AGBL1: variants seen among roughly 807,000 people sequenced by gnomAD.
AGBL1 encodes AGBL carboxypeptidase 1.
In AGBL1, 130 loss-of-function variants were observed where a neutral mutation model predicts 118.9. That is an observed-to-expected ratio of 1.09 (90% CI 0.95 to 1.26). The LOEUF is 1.26. Ranked by LOEUF, AGBL1 falls within the 50% of genes most tolerant of loss-of-function variation. The pLI, the probability that AGBL1 is intolerant of heterozygous loss-of-function variation, is 0.00. For missense variants in AGBL1, 1,584 were observed against 1,298.1 expected (o/e 1.22, Z -3.38); for synonymous variants, 555 against 478.9 (o/e 1.16, Z -2.08).
At chr15:86,147,163 G>T (rs900401078) in intron 3 of AGBL1, among the ~76,000 whole-genome samples, 1 of 152,200 alleles carries the variant, frequency 6.6e-6, no homozygotes, top group South Asian at 2.1e-4. Flanking sequence ...GGCCCAATAG[G>T]AACAGCTCCG....
chr15:86,233,707 G>T (rs10520616), intron 6 of AGBL1, among the ~76,000 whole-genome samples: 35,983 of 152,202 alleles, frequency 0.24, 4,955 homozygotes, highest in Middle Eastern at 0.33. Flanking sequence ...GCAGTGGCAA[G>T]AAGGAAGAAC....
At chr15:86,965,915 A>G (rs2081047279) in intron 23 of AGBL1, among the ~76,000 whole-genome samples, 1 of 152,070 alleles carries the variant, frequency 6.6e-6, no homozygotes, top group South Asian at 2.1e-4. Flanking sequence ...TGACGGGTTG[A>G]TGGTTGCAGC....
chr15:86,527,727 A>G (rs1243702550), intron 19 of AGBL1, among the ~76,000 whole-genome samples: 2 of 152,226 alleles, frequency 1.3e-5, no homozygotes, highest in African/African-American at 4.8e-5. Context: ...GATACTATTC[A>G]GCCATTTGCT....
intron 22 of AGBL1, among the ~76,000 whole-genome samples, chr15:86,705,126 C>T (rs529927299): frequency 6.6e-6 from 1 of 151,968 alleles, no homozygotes; most frequent in Non-Finnish European, 1.5e-5. Flanking sequence ...CACACTGGGC[C>T]CTGTCAGTGG....
In AGBL1 at chr15:86,961,249, A is replaced by C. The variant is rs141497164; in HGVS notation, c.3222-26738A>C. 2.9e-3 allele frequency among the ~76,000 whole-genome samples: 434 copies of C among 152,174 alleles called. 1 individual carries two copies. Among genetic ancestry groups the C allele is most frequent in the African/African-American group, 9.9e-3 (413 of 41,554 alleles). Reference sequence around the variant, plus strand: ...GTCACTAATACTAAATAAAGCTCAAAAAAGGGAGTCATTGCTGCAACCTCT... The same window carrying C: ...GTCACTAATACTAAATAAAGCTCAACAAAGGGAGTCATTGCTGCAACCTCT... On this transcript the variant is annotated intron_variant, in intron 23 of 24. Coordinates refer to the AGBL1 transcript ENST00000441037.
chr15:86,720,605 C>G (rs1248831284), intron 22 of AGBL1, among the ~76,000 whole-genome samples: 2 of 152,172 alleles, frequency 1.3e-5, no homozygotes, highest in Non-Finnish European at 2.9e-5. Flanking sequence ...CTATAGTGGG[C>G]AACAGTTACC....
intron 22 of AGBL1, among the ~76,000 whole-genome samples, chr15:86,765,632 A>G (rs2078087063): frequency 6.6e-6 from 1 of 151,982 alleles, no homozygotes; most frequent in African/African-American, 2.4e-5. Context: ...AAAAATTCCA[A>G]GTACAGGCGA....
intron 1 of AGBL1, among the ~76,000 whole-genome samples, chr15:86,129,256 C>T (rs116275108): frequency 0.011 from 1,737 of 152,218 alleles, 37 homozygotes; most frequent in African/African-American, 0.04. Flanking sequence ...AATTTAACTA[C>T]GTTGTCACTT....
At chr15:86,980,752 C>T (rs1425524311) in intron 23 of AGBL1, among the ~76,000 whole-genome samples, 1 of 152,024 alleles carries the variant, frequency 6.6e-6, no homozygotes, top group Admixed American at 6.5e-5. Context: ...ATTCGTTTCT[C>T]TTGCTATTAT....
At chr15:86,612,884 C>G (rs1043587191) in intron 21 of AGBL1, among the ~76,000 whole-genome samples, 1 of 152,210 alleles carries the variant, frequency 6.6e-6, no homozygotes, top group Non-Finnish European at 1.5e-5. Context: ...CTGACCTTAA[C>G]TCAAGCTGAT....
At chr15:86,510,978 G>A (rs79147746) in intron 18 of AGBL1, among the ~76,000 whole-genome samples, 1,538 of 152,100 alleles carry the variant, frequency 0.01, 24 homozygotes, top group African/African-American at 0.035. Context: ...GCTGGCACTT[G>A]ATAATAATCC....
chr15:86,283,221 C>T lies in AGBL1; in HGVS notation c.2220+3438C>T, dbSNP rs1429586244. Among the ~76,000 whole-genome samples the T allele has an allele frequency of 5.3e-5, 8 of 152,158 alleles. No homozygotes were observed. The East Asian group carries it at 1.5e-3, about 29-fold the overall frequency. ...AGTATTAGAATTATGTTATAAATAGCCCCTAGGTAGCCAGTAGTATTGGTT... is the reference window on the plus strand; with the variant it reads ...AGTATTAGAATTATGTTATAAATAGTCCCTAGGTAGCCAGTAGTATTGGTT... On this transcript the variant is annotated intron_variant, in intron 16 of 22. Transcript: ENST00000614907.
intron 1 of AGBL1, among the ~76,000 whole-genome samples, chr15:86,108,565 G>A (rs1897182889): frequency 6.6e-6 from 1 of 152,056 alleles, no homozygotes; most frequent in Non-Finnish European, 1.5e-5. Flanking sequence ...AATTTCAAGT[G>A]GATACGTTTA....
intron 1 of AGBL1, among the ~76,000 whole-genome samples, chr15:86,128,707 C>G (rs1441999798): frequency 1.3e-5 from 2 of 152,134 alleles, no homozygotes; most frequent in African/African-American, 4.8e-5. Flanking sequence ...CTTTCTTTAT[C>G]TCTTTTTCTT....
chr15:86,900,808 C>A (rs28532855), intron 22 of AGBL1, among the ~76,000 whole-genome samples: 11,793 of 152,100 alleles, frequency 0.078, 564 homozygotes, highest in African/African-American at 0.13. Flanking sequence ...TTTGATACTT[C>A]TTGCAGATTA....
intron 23 of AGBL1, among the ~76,000 whole-genome samples, chr15:86,925,143 AGAGGAGGAG>A (rs1176964792): frequency 2.5e-5 from 2 of 80,532 alleles, no homozygotes; most frequent in Admixed American, 2.9e-4. Context: ...AGGAAGAGGA[AGAGGAGGAG>A]GAGGAGGAGG....
chr15:86,265,171 T>C (rs1180880990), intron 11 of AGBL1, among the ~76,000 whole-genome samples: 1 of 152,222 alleles, frequency 6.6e-6, no homozygotes, highest in Non-Finnish European at 1.5e-5. Context: ...TCCTCAAAAG[T>C]AGGTTTTCAG....
chr15:86,696,286 G>A (rs938878883), intron 22 of AGBL1, among the ~76,000 whole-genome samples: 1 of 151,806 alleles, frequency 6.6e-6, no homozygotes, highest in African/African-American at 2.4e-5. Context: ...TCTATATTTA[G>A]GATTGTGATA....
In AGBL1 at chr15:86,907,546, G is replaced by A. The variant is rs1244185349; in HGVS notation, c.*252G>A. 6.6e-6 allele frequency: 1 copy of A among 152,124 alleles called. No individual in the cohort carries two copies. Among genetic ancestry groups the A allele is most frequent in the African/African-American group, 2.4e-5 (1 of 41,428 alleles). The allele number at this position is 152,124 out of a possible 1,614,324, so 9.4% of individuals were successfully genotyped here. On this transcript the variant is annotated 3_prime_UTR_variant, in exon 23 of 23. Transcript: ENST00000614907. ...GCAAGCTGCTATTGTACTTAGAATG[G>A]GACCCAATGGGTAGCCTCAAGATTA...
Sources: gnomAD v4.1 joint callset for allele counts (sites outside exome capture counted in the v4.1 genomes callset) on GRCh38, gnomAD v4.1.1 for gene constraint, MANE v1.5 for transcripts, NCBI Gene and HGNC (gene_info 2026-07-23, HGNC 2026-07-21) for gene names.